Variants in EML4 observed in about 807,000 individuals in gnomAD.
EML4 encodes the protein echinoderm microtubule-associated protein-like 4.
In EML4, 72 loss-of-function variants were observed where a neutral mutation model predicts 129.0. That is an observed-to-expected ratio of 0.56 (90% confidence interval 0.46 to 0.68). EML4 has a LOEUF of 0.68. Among genes scored for constraint, EML4 ranks in the 30% least tolerant of loss-of-function variants. EML4 has a pLI of 0.00. For synonymous variants in EML4, 532 were observed against 405.0 expected, an observed-to-expected ratio of 1.31 and a Z score of -3.77; for missense variants, 1,363 against 1,190.6, an observed-to-expected ratio of 1.14 and a Z score of -2.13.
intron 1 of EML4, among the ~76,000 whole-genome samples, chr2:42,230,359 A>G (rs760789135): frequency 2.0e-4 from 30 of 150,762 alleles, no homozygotes; most frequent in Non-Finnish European, 3.4e-4. Flanking sequence ...GTTGTGTGGT[A>G]TATACAATTC....
At chr2:42,279,346 T>C (rs561229235) in intron 6 of EML4, among the ~76,000 whole-genome samples, 2 of 152,308 alleles carry the variant, frequency 1.3e-5, no homozygotes, top group East Asian at 3.9e-4. Flanking sequence ...TAGTTGTGTT[T>C]TTAACTTTTT....
intron 1 of EML4, among the ~76,000 whole-genome samples, chr2:42,217,348 A>G (rs1448221084): frequency 2.6e-5 from 4 of 152,112 alleles, no homozygotes; most frequent in African/African-American, 7.2e-5. Flanking sequence ...AGAGAAAGCA[A>G]TTCTTGATTG....
chr2:42,260,429 GT>G (rs1365896927), intron 3 of EML4, among the ~76,000 whole-genome samples: 34 of 152,178 alleles, frequency 2.2e-4, no homozygotes, highest in Non-Finnish European at 7.3e-5. Flanking sequence ...CCCTCCCAAA[GT>G]GCTTGGATTA....
intron 13 of EML4, among the ~76,000 whole-genome samples, chr2:42,299,568 A>G (rs1477040073): frequency 2.6e-5 from 4 of 152,206 alleles, no homozygotes. Flanking sequence ...GCCCCTAGGT[A>G]ACCACCAATT....
At chr2:42,264,392 A>G (rs1665936276) in intron 5 of EML4, among the ~76,000 whole-genome samples, 1 of 152,208 alleles carries the variant, frequency 6.6e-6, no homozygotes, top group East Asian at 1.9e-4. Context: ...TGCTAGGATT[A>G]CAGGTGTGAG....
At position 42,330,443 on chromosome 2, in the gene EML4, A is replaced by G. The variant is rs1458847484; in HGVS notation, c.*236A>G. ...AATACTAGGAGAAGACTGAATCATT[A>G]ATGATGTCTCACAAATTACTGTGTA... is the stretch of plus-strand genomic sequence containing the variant. On this transcript the variant is annotated 3_prime_UTR_variant, in exon 23 of 23. Transcript: ENST00000318522. 1.7e-6 allele frequency: 1 copy of G among 590,788 alleles called. No individual in the cohort carries two copies. The highest frequency in any genetic ancestry group is 3.1e-6 in the Non-Finnish European group (1 of 327,220). 36.6% of individuals were successfully genotyped at this position (590,788 alleles called of 1,614,324 possible).
intron 21 of EML4, 118 bp downstream of exon 21, chr2:42,326,370 A>C: frequency 1.5e-6 from 1 of 660,456 alleles, no homozygotes; most frequent in East Asian, 2.9e-5. Context: ...TATCACTATT[A>C]ATGTCAGCCT....
intron 1 of EML4, among the ~76,000 whole-genome samples, chr2:42,224,734 C>T (rs1293858262): frequency 6.6e-6 from 1 of 152,034 alleles, no homozygotes; most frequent in Admixed American, 6.6e-5. Flanking sequence ...TATAGCCATC[C>T]TGATGGTGTG....
chr2:42,251,651 C>G (rs1675775050), intron 2 of EML4, among the ~76,000 whole-genome samples: 1 of 152,050 alleles, frequency 6.6e-6, no homozygotes, highest in Non-Finnish European at 1.5e-5. Context: ...GACGAAGAGC[C>G]TGAAAATGAG....
intron 17 of EML4, among the ~76,000 whole-genome samples, chr2:42,312,498 A>G (rs1669015542): frequency 6.6e-6 from 1 of 152,012 alleles, no homozygotes; most frequent in South Asian, 2.1e-4. Flanking sequence ...GGTCTCCACA[A>G]CCCCATATCA....
At chr2:42,245,094 C>CTTTTTTTCTTTTTTTTT (rs1675303024) in intron 1 of EML4, among the ~76,000 whole-genome samples, 1 of 66,562 alleles carries the variant, frequency 1.5e-5, no homozygotes, top group Non-Finnish European at 2.6e-5. Context: ...AATTTTCTTT[C>CTTTTTTTCTTTTTTTTT]TTTTTTTTTT....
chr2:42,329,998 G>C lies in EML4; in HGVS notation c.2737G>C (p.Glu913Gln). The part of the protein sequence containing the change: ...SQPLNETAEE[E>Q]SRISSSPTLL... ...GCCCTTAAATGAGACAGCTGAAGAG[G>C]AAAGTAGAATAAGCAGTTCTCCCAC... The change falls in exon 23 of 23, where the codon GAA becomes CAA. Residue 913 changes from glutamate to glutamine, a missense_variant. By Grantham distance (29) the Glu-to-Gln change is conservative. Coordinates refer to ENST00000318522, the MANE Select transcript of EML4 (RefSeq NM_019063.5). 6.2e-7 allele frequency: 1 copy of C among 1,613,874 alleles called. No individual in the cohort carries two copies. The highest frequency in any genetic ancestry group is 8.5e-7 in the Non-Finnish European group (1 of 1,180,012).
chr2:42,243,254 G>A (rs919442178), intron 1 of EML4, among the ~76,000 whole-genome samples: 3 of 152,098 alleles, frequency 2.0e-5, no homozygotes, highest in Admixed American at 6.5e-5. Flanking sequence ...GTGAGAAGAA[G>A]GAGAATAGGA....
intron 6 of EML4, among the ~76,000 whole-genome samples, chr2:42,278,108 G>C (rs1207894152): frequency 6.6e-6 from 1 of 152,154 alleles, no homozygotes; most frequent in Non-Finnish European, 1.5e-5. Flanking sequence ...GCAAGTGCTA[G>C]ACATTTCCCA....
chr2:42,211,980 G>C (rs948735414), intron 1 of EML4, among the ~76,000 whole-genome samples: 11 of 152,048 alleles, frequency 7.2e-5, no homozygotes, highest in Admixed American at 6.6e-5. Flanking sequence ...AAGTAGCTAG[G>C]ACTACAGGTT....
intron 1 of EML4, among the ~76,000 whole-genome samples, chr2:42,192,449 G>A (rs1217322040): frequency 2.0e-5 from 3 of 151,764 alleles, no homozygotes; most frequent in African/African-American, 7.3e-5. Context: ...CACGTTGGCC[G>A]GACTGGTCTT....
At position 42,315,988 on chromosome 2, in the gene EML4, G is replaced by T; in HGVS notation, c.1994G>T (p.Arg665Ile). The T allele has an allele frequency of 1.2e-6, 2 of 1,613,476 alleles. No homozygotes were observed. Among genetic ancestry groups the T allele is most frequent in the African/African-American group, 1.3e-5 (1 of 74,996 alleles). The stretch of plus-strand genomic sequence containing the variant: ...TGGTTTGTTCTGGATGCAGAAACCA[G>T]AGATCTAGTTTCTATCCACACAGAC... ...GRWFVLDAETRDLVSIHTDGN... is the reference protein window; with the variant it reads ...GRWFVLDAETIDLVSIHTDGN... Residue 665 changes from arginine (R) to isoleucine (I), a missense_variant, in exon 18 of 23, where the codon AGA becomes ATA. By Grantham distance (97) the Arg-to-Ile change is moderately conservative. Transcript: ENST00000318522.
intron 1 of EML4, among the ~76,000 whole-genome samples, chr2:42,197,081 A>AT (rs34929603): frequency 1.1e-4 from 17 of 152,242 alleles, no homozygotes; most frequent in Non-Finnish European, 2.1e-4. Flanking sequence ...GTCTTTATTT[A>AT]TTTTTTGAGA....
rs938258876 is a variant in EML4, at chr2:42,264,815, G to A, written c.667+84G>A. ...ATTGAAAAGAATATTTTCATCCAGT[G>A]CACTTTATCAGTTCATAGTAATCAA... On this transcript the variant is annotated intron_variant, in intron 6 of 22. Coordinates refer to ENST00000318522, the MANE Select transcript of EML4 (RefSeq NM_019063.5). The A allele has an allele frequency of 1.1e-5, 15 of 1,386,756 alleles. No homozygotes were observed. The African/African-American group carries it at 2.0e-4, about 19-fold the overall frequency. 85.9% of individuals were successfully genotyped at this position (1,386,756 alleles called of 1,614,324 possible). A position where few individuals can be genotyped will look rare whatever the true frequency, so the allele number is the denominator to read the frequency against.
Sources: gnomAD v4.1 joint callset for allele counts (sites outside exome capture counted in the v4.1 genomes callset) on GRCh38, gnomAD v4.1.1 for gene constraint, MANE v1.5 for transcripts, NCBI Gene and HGNC (gene_info 2026-07-23, HGNC 2026-07-21) for gene names.